The following LNX2 variants were observed in gnomAD, a reference collection of about 807,000 sequenced individuals.
The protein encoded by LNX2 is ligand of Numb protein X 2.
In LNX2, 35 loss-of-function variants were observed where a neutral mutation model predicts 66.2. The observed-to-expected ratio is 0.53, with a 90% CI of 0.40 to 0.70. The LOEUF is 0.70. Among genes scored for constraint, LNX2 ranks in the 30% least tolerant of loss-of-function variants. The pLI is 0.00. For synonymous variants in LNX2, 337 were observed against 315.6 expected, an observed-to-expected ratio of 1.07 and a Z score of -0.72; for missense variants, 791 against 850.8, an observed-to-expected ratio of 0.93 and a Z score of 0.87.
Position 27,550,492 on chromosome 13 carries a change from C to T in LNX2, c.1779-1G>A. 6.3e-7 allele frequency: 1 copy of T among 1,595,160 alleles called. No homozygotes were observed. Among genetic ancestry groups the T allele is most frequent in the East Asian group, 2.2e-5 (1 of 44,724 alleles). On this transcript the variant is annotated splice_acceptor_variant, in intron 8 of 9. Coordinates refer to ENST00000316334, the MANE Select transcript of LNX2 (RefSeq NM_153371.4). LOFTEE classifies it high-confidence loss of function. ...TATATCGTGGCAGCTATGAAGTGTG[C>T]TATAAACAAACAGAAAAATAAAGAA... is the stretch of plus-strand genomic sequence containing the variant.
chr13:27,580,811 A>T (rs1017726318), intron 2 of LNX2, among the ~76,000 whole-genome samples: 1 of 152,318 alleles, frequency 6.6e-6, no homozygotes, highest in Middle Eastern at 3.4e-3. Flanking sequence ...TTATGTGCAT[A>T]GTATTTTTTA....
intron 1 of LNX2, among the ~76,000 whole-genome samples, chr13:27,620,041 A>T (rs1955877605): frequency 6.6e-6 from 1 of 151,902 alleles, no homozygotes; most frequent in Non-Finnish European, 1.5e-5. Flanking sequence ...TCCCTTAAGA[A>T]GCAAACGACG....
At position 27,562,404 on chromosome 13, in the gene LNX2, AG is replaced by A. The variant is rs1335753758; in HGVS notation, c.1224+8del. The A allele has an allele frequency of 1.2e-6, 2 of 1,605,788 alleles. No homozygotes were observed. The highest frequency in any genetic ancestry group is 3.4e-5 in the Admixed American group (2 of 58,670). On this transcript the variant is annotated splice_region_variant and intron_variant, in intron 5 of 9. Transcript: ENST00000316334. The stretch of plus-strand genomic sequence containing the variant: ...CCAAGCCTTTGGAATGAAGGCCAAG[AG>A]GGTTTACCTGAATAATCTGGGCAGC...
chr13:27,546,065 T>G lies in LNX2; in HGVS notation c.*2270A>C, dbSNP rs1480983721. The G allele has an allele frequency of 1.3e-5, 2 of 152,228 alleles. No individual in the cohort carries two copies. The highest frequency in any genetic ancestry group is 2.9e-5 in the Non-Finnish European group (2 of 68,038). The allele number at this position is 152,228 out of a possible 1,614,324, so 9.4% of individuals were successfully genotyped here. On this transcript the variant is annotated 3_prime_UTR_variant, in exon 10 of 10. Coordinates refer to ENST00000316334, the MANE Select transcript of LNX2 (RefSeq NM_153371.4). The stretch of plus-strand genomic sequence containing the variant: ...AAATGAGAAAATCCAAATAGTTCTA[T>G]AGTAACAATAAATTATGAACAAGTT...
chr13:27,617,493 A>G (rs1380372088), intron 1 of LNX2, among the ~76,000 whole-genome samples: 1 of 152,238 alleles, frequency 6.6e-6, no homozygotes, highest in Non-Finnish European at 1.5e-5. Context: ...AAGGAAAGAA[A>G]GAAGAGGGGA....
chr13:27,596,954 T>C (rs898007709), intron 1 of LNX2, among the ~76,000 whole-genome samples: 2 of 152,180 alleles, frequency 1.3e-5, no homozygotes, highest in Non-Finnish European at 1.5e-5. Context: ...TCTCTGAAGG[T>C]TGCCTTCCAC....
intron 1 of LNX2, among the ~76,000 whole-genome samples, chr13:27,612,378 GGTTTACCTGT>G (rs1325572484): frequency 6.6e-6 from 1 of 152,112 alleles, no homozygotes; most frequent in Non-Finnish European, 1.5e-5. Context: ...CTCCTCTGAG[GGTTTACCTGT>G]GTAACACCTA....
chr13:27,595,950 T>G (rs1483288403), intron 1 of LNX2, among the ~76,000 whole-genome samples: 1 of 152,300 alleles, frequency 6.6e-6, no homozygotes, highest in East Asian at 1.9e-4. Context: ...TTAGGAACCA[T>G]ATGCTAAGAC....
At chr13:27,577,097 AC>A in intron 2 of LNX2, among the ~76,000 whole-genome samples, 1 of 152,320 alleles carries the variant, frequency 6.6e-6, no homozygotes, top group East Asian at 1.9e-4. Flanking sequence ...TAGCAAAAAG[AC>A]AAATAATCCA....
intron 1 of LNX2, among the ~76,000 whole-genome samples, chr13:27,585,043 A>C (rs1566125549): frequency 6.6e-6 from 1 of 151,316 alleles, no homozygotes; most frequent in Non-Finnish European, 1.5e-5. Context: ...ACTTGAGCCT[A>C]GGAGGCGGCA....
intron 1 of LNX2, among the ~76,000 whole-genome samples, chr13:27,582,087 T>C (rs1488085189): frequency 6.6e-6 from 1 of 152,190 alleles, no homozygotes; most frequent in East Asian, 1.9e-4. Flanking sequence ...TGGAGTGCAG[T>C]GGTGCAATCT....
chr13:27,564,303 T>C (rs2138347127), intron 4 of LNX2, among the ~76,000 whole-genome samples: 1 of 152,312 alleles, frequency 6.6e-6, no homozygotes, highest in Middle Eastern at 3.4e-3. Context: ...AAATAAAATA[T>C]TGTTTCTAGA....
intron 1 of LNX2, among the ~76,000 whole-genome samples, chr13:27,605,765 C>A (rs369383976): frequency 6.6e-6 from 1 of 152,144 alleles, no homozygotes; most frequent in Non-Finnish European, 1.5e-5. Context: ...AGAGCAGTCA[C>A]GCAAATGGCA....
chr13:27,548,511 T>C lies in LNX2; in HGVS notation c.1938-41A>G, dbSNP rs759413466. ...CAGATACAGAATGTTACTATTTTCATGGTATTAAAAATATCCCAATTGAGA... is the reference window on the plus strand; with the variant it reads ...CAGATACAGAATGTTACTATTTTCACGGTATTAAAAATATCCCAATTGAGA... On this transcript the variant is annotated intron_variant, in intron 9 of 9. Transcript: ENST00000316334. The C allele has an allele frequency of 9.5e-6, 15 of 1,585,820 alleles. No homozygotes were observed. The African/African-American group carries it at 1.1e-4, about 11-fold the overall frequency.
At chr13:27,613,152 C>T (rs774413064) in intron 1 of LNX2, among the ~76,000 whole-genome samples, 16 of 152,074 alleles carry the variant, frequency 1.1e-4, no homozygotes, top group Non-Finnish European at 2.2e-4. Flanking sequence ...CTGGCAGGTA[C>T]AACACAAAAG....
rs74342818 is a variant in LNX2 at position 27,588,293 on chromosome 13, G to T, written c.-100-6490C>A. ...CAGATGTACTTCCACTGATGAATGG[G>T]TAAACAAATTGTGGCACATCTATAC... is the stretch of plus-strand genomic sequence containing the variant. On this transcript the variant is annotated intron_variant, in intron 1 of 9. Coordinates refer to ENST00000316334, the MANE Select transcript of LNX2 (RefSeq NM_153371.4). Among the ~76,000 whole-genome samples the T allele has an allele frequency of 2.4e-4, 37 of 152,226 alleles. No homozygotes were observed. In the East Asian group the frequency reaches 6.2e-3, roughly 25 times the overall value.
Position 27,559,902 on chromosome 13 carries a change from A to G in LNX2, c.1308T>C (p.His436=), listed in dbSNP as rs1004291479. 16 of 1,611,554 alleles carry G rather than the reference A, an allele frequency of 9.9e-6. No homozygotes were observed. Among genetic ancestry groups the G allele is most frequent in the African/African-American group, 1.3e-5 (1 of 74,712 alleles). ...PGNTIREAGN[H]SSSSQHHTPP... is the part of the protein sequence containing the mutation. ...GTGTGTGGTGCTGGCTGCTGCTGCT[A>G]TGATTTCCTGCTTCTCTAATGGTGT... is the stretch of plus-strand genomic sequence containing the variant. Residue 436 remains histidine, a synonymous_variant, in exon 6 of 10, where the codon CAT becomes CAC. Coordinates refer to ENST00000316334, the MANE Select transcript of LNX2 (RefSeq NM_153371.4).
intron 8 of LNX2, among the ~76,000 whole-genome samples, chr13:27,552,692 T>C (rs1444696495): frequency 6.6e-6 from 1 of 152,208 alleles, no homozygotes; most frequent in Non-Finnish European, 1.5e-5. Context: ...CTGGTCACAT[T>C]TATAAAAAAT....
intron 1 of LNX2, among the ~76,000 whole-genome samples, chr13:27,605,673 T>A (rs888232256): frequency 6.6e-6 from 1 of 152,156 alleles, no homozygotes; most frequent in African/African-American, 2.4e-5. Flanking sequence ...AGTCCTTAAA[T>A]GAAAAATATC....
Sources: gnomAD v4.1 joint callset for allele counts (sites outside exome capture counted in the v4.1 genomes callset) on GRCh38, gnomAD v4.1.1 for gene constraint, MANE v1.5 for transcripts, NCBI Gene and HGNC (gene_info 2026-07-23, HGNC 2026-07-21) for gene names.